The following SIPA1L1 variants were observed in gnomAD, a reference collection of about 807,000 sequenced individuals.
SIPA1L1 encodes signal-induced proliferation-associated 1-like protein 1.
In SIPA1L1, 26 loss-of-function variants were observed where a neutral mutation model predicts 162.7. The observed-to-expected ratio is 0.16, with a 90% CI of 0.12 to 0.22. The LOEUF (loss-of-function observed/expected upper bound fraction) is 0.22, where lower values mean the gene tolerates loss of function less well. SIPA1L1 is among the 10% of genes least tolerant of loss of function. SIPA1L1 has a pLI of 1.00. For missense variants in SIPA1L1, 1,874 were observed against 2,241.0 expected (o/e 0.84, Z 3.31); for synonymous variants, 829 against 837.4 (o/e 0.99, Z 0.17).
intron 12 of SIPA1L1, among the ~76,000 whole-genome samples, chr14:71,682,215 G>T (rs755493713): frequency 5.3e-5 from 8 of 152,154 alleles, no homozygotes; most frequent in Non-Finnish European, 1.0e-4. Context: ...CTGTAAAGTG[G>T]CTAAATTCGT....
intron 2 of SIPA1L1, among the ~76,000 whole-genome samples, chr14:71,350,226 AACACACACACAC>A (rs10664371): frequency 2.1e-4 from 31 of 146,896 alleles, no homozygotes; most frequent in African/African-American, 3.8e-4. Context: ...GTCTCTACTA[AACACACACACAC>A]ACACACACAC....
At chr14:71,659,701 G>T (rs977578255) in intron 9 of SIPA1L1, among the ~76,000 whole-genome samples, 4 of 152,090 alleles carry the variant, frequency 2.6e-5, no homozygotes, top group African/African-American at 9.7e-5. Flanking sequence ...ATTTGTAAGG[G>T]TAAAAAATTT....
At chr14:71,634,084 A>G (rs1055659653) in intron 7 of SIPA1L1, among the ~76,000 whole-genome samples, 8 of 152,044 alleles carry the variant, frequency 5.3e-5, no homozygotes, top group African/African-American at 1.9e-4. Flanking sequence ...GAAAGAAGCA[A>G]AAGATAAATG....
Position 71,599,899 on chromosome 14 carries a change from T to C in SIPA1L1, c.1498+10529T>C, listed in dbSNP as rs182012395. On this transcript the variant is annotated intron_variant, in intron 5 of 23. Coordinates refer to ENST00000381232, the MANE Select transcript of SIPA1L1 (RefSeq NM_001386936.1). ...TTGAGCATTTTTTTTTATATACCTA[T>C]TGGCCATATGTGTGTATTCTTTTCA... Among the ~76,000 whole-genome samples the C allele has an allele frequency of 3.3e-5, 5 of 152,306 alleles. No homozygotes were observed. The East Asian group carries it at 9.7e-4, about 29-fold the overall frequency.
chr14:71,543,896 GTATA>G (rs928078490), intron 4 of SIPA1L1, among the ~76,000 whole-genome samples: 5 of 111,730 alleles, frequency 4.5e-5, no homozygotes, highest in East Asian at 3.5e-4. Context: ...TATATCATAC[GTATA>G]TGTGTGTATA....
chr14:71,380,725 T>C (rs2039823847), intron 2 of SIPA1L1, among the ~76,000 whole-genome samples: 1 of 152,208 alleles, frequency 6.6e-6, no homozygotes, highest in South Asian at 2.1e-4. Flanking sequence ...TGATTCCAAG[T>C]AGAGTAGGGA....
rs546572249 is a variant in SIPA1L1 at position 71,464,726 on chromosome 14, C to CG, written c.-464-48017_-464-48016insG. On this transcript the variant is annotated intron_variant, in intron 2 of 23. Transcript: ENST00000381232. Reference sequence around the variant, plus strand: ...TCATTAAATTCGGCTTGATCCAACTCTATGTTCCTTCCACTATTATTCCTT... The same window carrying CG: ...TCATTAAATTCGGCTTGATCCAACTCGTATGTTCCTTCCACTATTATTCCTT... Among the ~76,000 whole-genome samples, 14 of 152,306 alleles carry CG rather than the reference C, an allele frequency of 9.2e-5. No homozygotes were observed. The South Asian group carries it at 2.5e-3, about 27-fold the overall frequency.
chr14:71,713,497 T>C (rs1566717986), intron 17 of SIPA1L1, among the ~76,000 whole-genome samples: 2 of 152,346 alleles, frequency 1.3e-5, no homozygotes, highest in East Asian at 3.9e-4. Context: ...AGTCAGGATC[T>C]AGATATATGT....
intron 7 of SIPA1L1, among the ~76,000 whole-genome samples, chr14:71,637,083 G>A (rs1459759747): frequency 7.4e-6 from 1 of 135,160 alleles, no homozygotes; most frequent in Admixed American, 7.2e-5. Context: ...ACATCTTTGG[G>A]GTTTAAAAAA....
chr14:71,373,342 G>C (rs940830560), intron 2 of SIPA1L1, among the ~76,000 whole-genome samples: 2 of 151,022 alleles, frequency 1.3e-5, no homozygotes, highest in Non-Finnish European at 2.9e-5. Flanking sequence ...ACCAGTATTG[G>C]ACGGGTGTGG....
At chr14:71,351,956 A>C (rs981668023) in intron 2 of SIPA1L1, among the ~76,000 whole-genome samples, 1 of 151,002 alleles carries the variant, frequency 6.6e-6, no homozygotes, top group African/African-American at 2.4e-5. Flanking sequence ...AAACAACATA[A>C]GTTTGTAAAA....
intron 2 of SIPA1L1, 59 bp downstream of exon 2, chr14:71,321,240 C>T (rs1053932541): frequency 1.3e-5 from 2 of 152,256 alleles, no homozygotes; most frequent in South Asian, 2.1e-4. Context: ...GGCTGACAGC[C>T]CCCTGCCCTG....
At chr14:71,616,279 C>T (rs2038821427) in intron 5 of SIPA1L1, among the ~76,000 whole-genome samples, 1 of 152,022 alleles carries the variant, frequency 6.6e-6, no homozygotes, top group South Asian at 2.1e-4. Context: ...AGAGTTTGAG[C>T]CAGGGAAGGA....
chr14:71,430,744 A>G lies in SIPA1L1; in HGVS notation c.-464-81999A>G, dbSNP rs542705205. On this transcript the variant is annotated intron_variant, in intron 2 of 23. Transcript: ENST00000381232. ...GCGACTCTGCTTCTTGAGAAACCAC[A>G]GGGGCAGCTTTTGCACAGGGCATTT... Among the ~76,000 whole-genome samples, 14 of 152,312 alleles carry G rather than the reference A, an allele frequency of 9.2e-5. No homozygotes were observed. In the East Asian group the frequency reaches 2.7e-3, roughly 29 times the overall value.
In SIPA1L1 at chr14:71,661,440, A is replaced by G. The variant is rs770908968; in HGVS notation, c.2228A>G (p.Asn743Ser). The G allele has an allele frequency of 8.7e-6, 14 of 1,613,884 alleles. No homozygotes were observed. The highest frequency in any genetic ancestry group is 7.7e-5 in the South Asian group (7 of 91,078). ...GTTTTCGTCATCGTCAGGGTGCACA[A>G]TCCGTGCTCTGACAGTGTCTGTTAT... ...QHVFVIVRVH[N>S]PCSDSVCYSV... The change falls in exon 10 of 24, where the codon AAT (asparagine) becomes AGT (serine). Residue 743 changes from asparagine (N) to serine (S), a missense_variant. Asn to Ser is a conservative substitution (Grantham distance 46, BLOSUM62 1). Around this residue, in one of 5 missense-constraint regions of SIPA1L1, gnomAD observed 243 missense variants for 315.0 expected, o/e 0.77. Coordinates refer to ENST00000381232, the MANE Select transcript of SIPA1L1 (RefSeq NM_001386936.1).
At chr14:71,683,387 TGAG>T (rs1447066483) in intron 12 of SIPA1L1, among the ~76,000 whole-genome samples, 4 of 152,196 alleles carry the variant, frequency 2.6e-5, no homozygotes, top group Non-Finnish European at 5.9e-5. Context: ...AGAGCATTGC[TGAG>T]GAGAAGCAAA....
chr14:71,668,396 C>T (rs546939633), intron 10 of SIPA1L1, among the ~76,000 whole-genome samples: 3 of 152,286 alleles, frequency 2.0e-5, no homozygotes, highest in African/African-American at 7.2e-5. Context: ...TTCTCTGTAT[C>T]TGTTCCTGGA....
chr14:71,707,509 C>T (rs1418969304), intron 16 of SIPA1L1, among the ~76,000 whole-genome samples: 1 of 152,180 alleles, frequency 6.6e-6, no homozygotes, highest in Non-Finnish European at 1.5e-5. Flanking sequence ...CAGTTTCTCT[C>T]TCTGGATTTG....
chr14:71,710,132 C>T (rs1206648849), intron 17 of SIPA1L1, among the ~76,000 whole-genome samples: 1 of 152,258 alleles, frequency 6.6e-6, no homozygotes, highest in Non-Finnish European at 1.5e-5. Flanking sequence ...GAGAACCTCA[C>T]TTACCTGATA....
Sources: allele counts gnomAD v4.1 joint callset (sites outside exome capture counted in the v4.1 genomes callset), GRCh38; gene constraint gnomAD v4.1.1; regional missense constraint gnomAD v4.1.1; transcripts MANE v1.5; gene names NCBI Gene and HGNC (gene_info 2026-07-23, HGNC 2026-07-21).